Variants in SMYD1 observed in about 807,000 individuals in gnomAD.
SMYD1 encodes histone-lysine N-methyltransferase SMYD1.
Under a neutral mutation model 54.0 loss-of-function variants are expected in SMYD1, and 49 were observed. The observed-to-expected ratio is 0.91, with a 90% CI of 0.72 to 1.15. SMYD1 has a LOEUF of 1.15. Ranked by LOEUF, SMYD1 falls within the 50% of genes most tolerant of loss-of-function variation. The pLI is 0.00. For synonymous variants in SMYD1, 269 were observed against 234.2 expected, an observed-to-expected ratio of 1.15 and a Z score of -1.36; for missense variants, 653 against 639.6, an observed-to-expected ratio of 1.02 and a Z score of -0.23.
intron 2 of SMYD1, among the ~76,000 whole-genome samples, chr2:88,085,881 C>T (rs2103990692): frequency 6.6e-6 from 1 of 152,292 alleles, no homozygotes; most frequent in Non-Finnish European, 1.5e-5. Context: ...GAAAAACGTT[C>T]TGGAAACAGA....
chr2:88,079,285 G>A (rs1674135102), intron 1 of SMYD1, among the ~76,000 whole-genome samples: 1 of 152,312 alleles, frequency 6.6e-6, no homozygotes, highest in African/African-American at 2.4e-5. Context: ...CATGCCACTG[G>A]AATTTATTCT....
chr2:88,111,384 C>T lies in SMYD1; in HGVS notation c.*872C>T, dbSNP rs974080482. On this transcript the variant is annotated 3_prime_UTR_variant, in exon 10 of 10. Coordinates refer to ENST00000419482, the MANE Select transcript of SMYD1 (RefSeq NM_198274.4). Reference sequence around the variant, plus strand: ...CCTAGTAGGATTTAAAAAATATTTTCAAAGTGAAGCTGAGAGAGAATCTTG... The same window carrying T: ...CCTAGTAGGATTTAAAAAATATTTTTAAAGTGAAGCTGAGAGAGAATCTTG... 1 of 152,208 alleles carries T rather than the reference C, an allele frequency of 6.6e-6. No individual in the cohort carries two copies. The highest frequency in any genetic ancestry group is 6.5e-5 in the Admixed American group (1 of 15,276). 9.4% of individuals were successfully genotyped at this position (152,208 alleles called of 1,614,324 possible).
intron 1 of SMYD1, among the ~76,000 whole-genome samples, chr2:88,078,772 A>G (rs1313274507): frequency 2.0e-5 from 3 of 152,244 alleles, no homozygotes; most frequent in Non-Finnish European, 4.4e-5. Flanking sequence ...CTGAAGTTCC[A>G]AAAGCCTGAC....
At chr2:88,074,081 G>C (rs1254533187) in intron 1 of SMYD1, among the ~76,000 whole-genome samples, 2 of 152,198 alleles carry the variant, frequency 1.3e-5, no homozygotes, top group African/African-American at 4.8e-5. Flanking sequence ...GCCAAGGCTG[G>C]TCTCAAACTA....
At chr2:88,091,271 T>C in intron 4 of SMYD1, 129 bp downstream of exon 4, 1 of 966,266 alleles carries the variant, frequency 1.0e-6, no homozygotes, top group Non-Finnish European at 1.5e-6. Flanking sequence ...GTATAGCACA[T>C]AGAAATCTCA....
At chr2:88,091,328 A>T (rs2103996807) in intron 4 of SMYD1, among the ~76,000 whole-genome samples, 186 bp downstream of exon 4, 1 of 152,318 alleles carries the variant, frequency 6.6e-6, no homozygotes, top group East Asian at 1.9e-4. Context: ...GAGGATATCA[A>T]AGAATTCAAC....
chr2:88,074,077 G>C (rs1196316522), intron 1 of SMYD1, among the ~76,000 whole-genome samples: 1 of 152,190 alleles, frequency 6.6e-6, no homozygotes, highest in Non-Finnish European at 1.5e-5. Flanking sequence ...TGTTGCCAAG[G>C]CTGGTCTCAA....
At chr2:88,103,261 G>A (rs960528606) in intron 7 of SMYD1, 111 bp downstream of exon 7, 33 of 769,366 alleles carry the variant, frequency 4.3e-5, no homozygotes, top group Non-Finnish European at 6.5e-6. Flanking sequence ...GGGCTACCAA[G>A]CAGGTTATTT....
In SMYD1 at chr2:88,108,220, C is replaced by T. The variant is rs143965172; in HGVS notation, c.1146-151C>T. 613 of 667,132 alleles carry T rather than the reference C, an allele frequency of 9.2e-4. 2 individuals are homozygous for T. The African/African-American group carries it at 0.011, about 12-fold the overall frequency. The allele number at this position is 667,132 out of a possible 1,614,324, so 41.3% of individuals were successfully genotyped here. A position where few individuals can be genotyped will look rare whatever the true frequency, so the allele number is the denominator to read the frequency against. ...GGCAACTTGTTCCATATCTCTGTGC[C>T]TCAGTTCCCCCTTGGCGGCTACAGA... On this transcript the variant is annotated intron_variant, in intron 8 of 9. Transcript: ENST00000419482.
intron 6 of SMYD1, among the ~76,000 whole-genome samples, chr2:88,099,996 G>A (rs868067033): frequency 2.2e-5 from 3 of 133,806 alleles, no homozygotes; most frequent in Non-Finnish European, 4.7e-5. Context: ...CTTCTCCTCT[G>A]GCTCCTCCCC....
In SMYD1 at chr2:88,106,434, T is replaced by G; in HGVS notation, c.1091T>G (p.Leu364Arg). 1 of 1,614,150 alleles carries G rather than the reference T, an allele frequency of 6.2e-7. No individual in the cohort carries two copies. Among genetic ancestry groups the G allele is most frequent in the Non-Finnish European group, 8.5e-7 (1 of 1,180,022 alleles). Residue 364 changes from leucine (L) to arginine (R), a missense_variant, in exon 8 of 10, where the codon CTC becomes CGC. Coordinates refer to ENST00000419482, the MANE Select transcript of SMYD1 (RefSeq NM_198274.4). ...LSIVSEVLSY[L>R]QAFEEASFYA... ...ATTGTTTCGGAGGTCCTTTCCTACCTCCAGGCCTTTGAGGAGGCCTCGTTC... is the reference window on the plus strand; with the variant it reads ...ATTGTTTCGGAGGTCCTTTCCTACCGCCAGGCCTTTGAGGAGGCCTCGTTC...
intron 3 of SMYD1, among the ~76,000 whole-genome samples, chr2:88,089,122 TGGAGATCAG>T (rs2103994612): frequency 6.6e-6 from 1 of 152,072 alleles, no homozygotes; most frequent in Admixed American, 6.5e-5. Context: ...GCCATCAGGC[TGGAGATCAG>T]GGAAGTGTTG....
At chr2:88,088,802 A>G (rs569552060) in intron 3 of SMYD1, among the ~76,000 whole-genome samples, 46 of 152,054 alleles carry the variant, frequency 3.0e-4, no homozygotes, top group African/African-American at 1.1e-3. Flanking sequence ...AGCCAGAGAG[A>G]GGGGAGTCAG....
chr2:88,076,503 G>T (rs1025628215), intron 1 of SMYD1, among the ~76,000 whole-genome samples: 8 of 152,260 alleles, frequency 5.3e-5, no homozygotes, highest in African/African-American at 1.9e-4. Flanking sequence ...GATTACAGAC[G>T]TGAGCCACCG....
intron 5 of SMYD1, among the ~76,000 whole-genome samples, chr2:88,093,983 T>C (rs528665795): frequency 6.6e-6 from 1 of 152,364 alleles, no homozygotes; most frequent in East Asian, 1.9e-4. Context: ...CTATAACTGA[T>C]ATTTTTAATA....
intron 3 of SMYD1, among the ~76,000 whole-genome samples, 192 bp from the exon 4 acceptor site, chr2:88,090,820 G>C (rs1674444085): frequency 6.6e-6 from 1 of 152,224 alleles, no homozygotes. Context: ...GTATGGGACT[G>C]TTCCATGGCC....
intron 7 of SMYD1, 39 bp from the exon 8 acceptor site, chr2:88,106,285 TG>T: frequency 6.2e-7 from 1 of 1,605,986 alleles, no homozygotes; most frequent in Non-Finnish European, 8.5e-7. Flanking sequence ...ACGTGTGCTC[TG>T]GTGCAATGGT....
chr2:88,095,833 T>A (rs1459261299), intron 5 of SMYD1, among the ~76,000 whole-genome samples: 1 of 152,072 alleles, frequency 6.6e-6, no homozygotes, highest in East Asian at 1.9e-4. Context: ...CTGCAGTGGG[T>A]TTTTACCTTC....
intron 7 of SMYD1, among the ~76,000 whole-genome samples, chr2:88,105,996 G>A (rs1321041334): frequency 6.6e-6 from 1 of 152,048 alleles, no homozygotes; most frequent in African/African-American, 2.4e-5. Flanking sequence ...TGGAACTTGT[G>A]CATATACAGA....
Sources: allele counts gnomAD v4.1 joint callset (sites outside exome capture counted in the v4.1 genomes callset), GRCh38; gene constraint gnomAD v4.1.1; transcripts MANE v1.5; gene names NCBI Gene and HGNC (gene_info 2026-07-23, HGNC 2026-07-21).